The following SLC5A7 variants were observed in gnomAD, a reference collection of about 807,000 sequenced individuals.
SLC5A7 encodes the protein high affinity choline transporter 1.
In SLC5A7, 19 loss-of-function variants were observed where a neutral mutation model predicts 55.4. The observed-to-expected ratio is 0.34, with a 90% confidence interval of 0.24 to 0.50. The LOEUF is 0.50. SLC5A7 is among the 20% of genes least tolerant of loss of function. SLC5A7 has a pLI of 0.98. For synonymous variants in SLC5A7, 265 were observed against 263.7 expected (o/e 1.00, Z -0.05); for missense variants, 506 against 705.3 (o/e 0.72, Z 3.20).
chr2:107,996,685 C>T (rs992760424), intron 4 of SLC5A7, among the ~76,000 whole-genome samples: 1 of 152,158 alleles, frequency 6.6e-6, no homozygotes, highest in Non-Finnish European at 1.5e-5. Flanking sequence ...AGAACCACAG[C>T]GGCCCAAACT....
At chr2:107,991,562 T>C (rs2450280) in intron 2 of SLC5A7, among the ~76,000 whole-genome samples, 123,411 of 152,078 alleles carry the variant, frequency 0.81, 50,937 homozygotes, top group African/African-American at 0.91. Context: ...TAGTGAAAAG[T>C]ACATTTCTAC....
Position 108,011,213 on chromosome 2 carries a change from AC to A in SLC5A7, c.*353del, listed in dbSNP as rs1678315303. On this transcript the variant is annotated 3_prime_UTR_variant, in exon 9 of 9. Transcript: ENST00000264047. ...AAAAGCCTAAGAAAAAGGAAATTGG[AC>A]AGTTTTGATACAAACTTTGTTTGCT... 5.9e-6 allele frequency: 1 copy of A among 170,330 alleles called. No homozygotes were observed. 10.6% of individuals were successfully genotyped at this position (170,330 alleles called of 1,614,324 possible).
At chr2:108,006,995 A>C (rs1311254184) in intron 7 of SLC5A7, among the ~76,000 whole-genome samples, 1 of 152,228 alleles carries the variant, frequency 6.6e-6, no homozygotes, top group Non-Finnish European at 1.5e-5. Context: ...GTTTTGAAAA[A>C]AGAGCATTAT....
At chr2:107,994,322 G>A (rs750887333) in intron 4 of SLC5A7, among the ~76,000 whole-genome samples, 4 of 152,178 alleles carry the variant, frequency 2.6e-5, no homozygotes, top group African/African-American at 7.2e-5. Flanking sequence ...GGTGGCTCAC[G>A]CCTGTAATCC....
Position 108,012,530 on chromosome 2 carries a change from T to C in SLC5A7, c.*1669T>C, listed in dbSNP as rs1482671027. ...TATCATTAAACATGAATTTAATGTC[T>C]AGGATAATTTTTAAAAGAGGAAATT... On this transcript the variant is annotated 3_prime_UTR_variant, in exon 9 of 9. Coordinates refer to ENST00000264047, the MANE Select transcript of SLC5A7 (RefSeq NM_021815.5). The C allele has an allele frequency of 1.3e-5, 2 of 152,138 alleles. No homozygotes were observed. The highest frequency in any genetic ancestry group is 2.4e-5 in the African/African-American group (1 of 41,438). 9.4% of individuals were successfully genotyped at this position (152,138 alleles called of 1,614,324 possible).
intron 5 of SLC5A7, among the ~76,000 whole-genome samples, chr2:108,001,157 C>G (rs1677876221): frequency 6.6e-6 from 1 of 151,842 alleles, no homozygotes; most frequent in Non-Finnish European, 1.5e-5. Context: ...CCTCCTCCCC[C>G]CACCCACACA....
rs1380320655 is a variant in SLC5A7, at chr2:108,006,171, C to G, written c.864C>G (p.Ala288=). The G allele has an allele frequency of 4.3e-6, 7 of 1,613,846 alleles. No homozygotes were observed. Among genetic ancestry groups the G allele is most frequent in the Non-Finnish European group, 5.9e-6 (7 of 1,179,970 alleles). ...AFGCLVMAIP[A]ILIGAIGAST... ...GGTGCCTGGTGATGGCCATCCCAGC[C>G]ATACTCATTGGGGCCATTGGAGCAT... is the stretch of plus-strand genomic sequence containing the variant. The change falls in exon 7 of 9, where the codon GCC becomes GCG. Residue 288 remains alanine (A), a synonymous_variant. Transcript: ENST00000264047.
At chr2:108,010,153 G>A in intron 8 of SLC5A7, 79 bp from the exon 9 acceptor site, 1 of 1,520,568 alleles carries the variant, frequency 6.6e-7, no homozygotes, top group African/African-American at 1.4e-5. Context: ...CAGTTTTGAA[G>A]CAAAAAATAT....
intron 2 of SLC5A7, among the ~76,000 whole-genome samples, chr2:107,988,640 T>C (rs1476621637): frequency 6.6e-6 from 1 of 151,966 alleles, no homozygotes; most frequent in African/African-American, 2.4e-5. Context: ...AACAAAGAGG[T>C]GGGGGAATGG....
intron 6 of SLC5A7, among the ~76,000 whole-genome samples, chr2:108,004,862 C>A (rs890805888): frequency 6.6e-6 from 1 of 152,192 alleles, no homozygotes; most frequent in African/African-American, 2.4e-5. Context: ...TGTTAACATG[C>A]AGCTACCCTT....
At chr2:108,004,032 C>A (rs548118126) in intron 6 of SLC5A7, among the ~76,000 whole-genome samples, 1 of 152,206 alleles carries the variant, frequency 6.6e-6, no homozygotes, top group South Asian at 2.1e-4. Context: ...AATGAGGGCT[C>A]CACCCTCATG....
Position 108,012,936 on chromosome 2 carries a change from G to A in SLC5A7, c.*2075G>A, listed in dbSNP as rs898478139. ...CTACCCAGCATGCTACCTGAATGGCGGTTTTTATCCATCCTGTCACCCTGA... is the reference window on the plus strand; with the variant it reads ...CTACCCAGCATGCTACCTGAATGGCAGTTTTTATCCATCCTGTCACCCTGA... On this transcript the variant is annotated 3_prime_UTR_variant, in exon 9 of 9. Coordinates refer to ENST00000264047, the MANE Select transcript of SLC5A7 (RefSeq NM_021815.5). 2.3e-4 allele frequency: 35 copies of A among 152,184 alleles called. No homozygotes were observed. The highest frequency in any genetic ancestry group is 4.1e-4 in the Non-Finnish European group (28 of 67,990). The allele number at this position is 152,184 out of a possible 1,614,324, so 9.4% of individuals were successfully genotyped here.
intron 4 of SLC5A7, among the ~76,000 whole-genome samples, chr2:107,993,644 T>C (rs533001839): frequency 6.6e-6 from 1 of 152,360 alleles, no homozygotes; most frequent in East Asian, 1.9e-4. Flanking sequence ...GCCATGTTAA[T>C]TGGCATAAAC....
chr2:108,010,772 A>T lies in SLC5A7; in HGVS notation c.1654A>T (p.Thr552Ser). The T allele has an allele frequency of 1.2e-6, 2 of 1,613,606 alleles. No individual in the cohort carries two copies. Among genetic ancestry groups the T allele is most frequent in the South Asian group, 1.1e-5 (1 of 91,054 alleles). The change falls in exon 9 of 9, where the codon ACC (threonine) becomes TCC (serine). Residue 552 changes from threonine (T) to serine (S), a missense_variant. Physicochemically the swap from Thr to Ser is moderately conservative, Grantham distance 58. Transcript: ENST00000264047. The stretch of plus-strand genomic sequence containing the variant: ...ACTTGTGAAGCCACGACAGAGCATG[A>T]CCCTCAGCTCAACTTTCACCAATAA... The part of the protein sequence containing the change: ...LALVKPRQSM[T>S]LSSTFTNKEA...
chr2:107,989,828 C>A (rs896958385), intron 2 of SLC5A7, among the ~76,000 whole-genome samples: 16 of 152,022 alleles, frequency 1.1e-4, no homozygotes, highest in Admixed American at 3.9e-4. Flanking sequence ...ATTTAATATT[C>A]TGTTTAATAT....
At position 107,997,993 on chromosome 2, in the gene SLC5A7, G is replaced by A. The variant is rs377267197; in HGVS notation, c.597+7G>A. 2.1e-5 allele frequency: 33 copies of A among 1,606,908 alleles called. No homozygotes were observed. Among genetic ancestry groups the A allele is most frequent in the Non-Finnish European group, 2.6e-5 (31 of 1,177,300 alleles). Reference sequence around the variant, plus strand: ...TTGCATTTTTGTAGGGCTGGTAAGTGGGAGCACCCAAGATTCTCCTCCTTT... The same window carrying A: ...TTGCATTTTTGTAGGGCTGGTAAGTAGGAGCACCCAAGATTCTCCTCCTTT... On this transcript the variant is annotated splice_region_variant and intron_variant, in intron 5 of 8. Coordinates refer to ENST00000264047, the MANE Select transcript of SLC5A7 (RefSeq NM_021815.5).
At chr2:108,003,332 C>A (rs1677985827) in intron 6 of SLC5A7, among the ~76,000 whole-genome samples, 1 of 152,138 alleles carries the variant, frequency 6.6e-6, no homozygotes, top group South Asian at 2.1e-4. Flanking sequence ...CCTCAAAGTC[C>A]TTTCCCCTAC....
In SLC5A7 at chr2:108,013,955, A is replaced by G. The variant is rs188833899; in HGVS notation, c.*3094A>G. On this transcript the variant is annotated 3_prime_UTR_variant, in exon 9 of 9. Transcript: ENST00000264047. Reference sequence around the variant, plus strand: ...TAATAAAATGGCTATTCCTCTTTTTACTTGGAAATAATAAATTAACATTAT... The same window carrying G: ...TAATAAAATGGCTATTCCTCTTTTTGCTTGGAAATAATAAATTAACATTAT... 42 of 152,256 alleles carry G rather than the reference A, an allele frequency of 2.8e-4. 1 individual carries two copies. The East Asian group carries it at 7.3e-3, about 27-fold the overall frequency. 9.4% of individuals were successfully genotyped at this position (152,256 alleles called of 1,614,324 possible). A position where few individuals can be genotyped will look rare whatever the true frequency, so the allele number is the denominator to read the frequency against.
At chr2:108,000,723 T>C (rs2104360567) in intron 5 of SLC5A7, among the ~76,000 whole-genome samples, 1 of 151,900 alleles carries the variant, frequency 6.6e-6, no homozygotes, top group Non-Finnish European at 1.5e-5. Context: ...GCCTCCTGAG[T>C]AGCTGGGACT....
Sources: gnomAD v4.1 joint callset for allele counts (sites outside exome capture counted in the v4.1 genomes callset) on GRCh38, gnomAD v4.1.1 for gene constraint, MANE v1.5 for transcripts, NCBI Gene and HGNC (gene_info 2026-07-23, HGNC 2026-07-21) for gene names.